Variants in BLOC1S6 observed in about 807,000 individuals in gnomAD.
BLOC1S6 encodes the protein biogenesis of lysosome-related organelles complex 1 subunit 6.
BLOC1S6 carries 24 observed loss-of-function variants against 24.7 expected under a neutral mutation model. The ratio of observed to expected loss-of-function variants is 0.97; its 90% CI spans 0.70 to 1.37. The LOEUF is 1.37. BLOC1S6 is among the 40% of genes most tolerant of loss of function. The probability of loss-of-function intolerance (pLI) is 0.00; values close to 1 mark genes in which losing one functional copy is unlikely to be tolerated. For missense variants in BLOC1S6, 175 were observed against 196.2 expected (o/e 0.89, Z 0.64); for synonymous variants, 76 against 72.6 (o/e 1.05, Z -0.23).
At chr15:45,600,933 C>T (rs767639402) in intron 2 of BLOC1S6, among the ~76,000 whole-genome samples, 6 of 152,104 alleles carry the variant, frequency 3.9e-5, no homozygotes, top group Non-Finnish European at 5.9e-5. Context: ...GTGCATGAAA[C>T]AAAGAGTTTT....
intron 2 of BLOC1S6, among the ~76,000 whole-genome samples, chr15:45,593,100 A>T (rs2140905572): frequency 6.6e-6 from 1 of 152,098 alleles, no homozygotes; most frequent in East Asian, 1.9e-4. Context: ...ATGCATATAA[A>T]AGTGGTACTG....
chr15:45,606,602 G>T lies in BLOC1S6; in HGVS notation c.*88G>T. On this transcript the variant is annotated 3_prime_UTR_variant, in exon 5 of 5. Transcript: ENST00000220531. ...GACTGAAGTTGAGGTAGTGCCTTATGCCATTATGTCATATGTTGAAATCCT... is the reference window on the plus strand; with the variant it reads ...GACTGAAGTTGAGGTAGTGCCTTATTCCATTATGTCATATGTTGAAATCCT... The T allele has an allele frequency of 6.4e-7, 1 of 1,566,366 alleles. No homozygotes were observed.
rs766753848 is a variant in BLOC1S6, at chr15:45,587,509, C to T, written c.66C>T (p.Ala22=). The stretch of plus-strand genomic sequence containing the variant: ...CACGGCCACCCTACTGCCTGGAGGC[C>T]GGGGAGCCGACGCCTGGTACGTACT... ...ALTRPPYCLE[A]GEPTPGLSDT... Residue 22 remains alanine (A), a synonymous_variant, in exon 1 of 5, where the codon GCC becomes GCT. Coordinates refer to ENST00000220531, the MANE Select transcript of BLOC1S6 (RefSeq NM_012388.4). 1.1e-5 allele frequency: 17 copies of T among 1,577,884 alleles called. No homozygotes were observed. The highest frequency in any genetic ancestry group is 1.5e-5 in the Non-Finnish European group (17 of 1,161,928).
intron 2 of BLOC1S6, among the ~76,000 whole-genome samples, chr15:45,596,765 G>A (rs1038880492): frequency 6.6e-6 from 1 of 151,640 alleles, no homozygotes; most frequent in Non-Finnish European, 1.5e-5. Flanking sequence ...TGCAACCTCT[G>A]CCTCTCAGGT....
chr15:45,605,581 T>C (rs1894423681), intron 4 of BLOC1S6, 67 bp downstream of exon 4: 2 of 1,278,668 alleles, frequency 1.6e-6, no homozygotes, highest in Non-Finnish European at 2.2e-6. Context: ...TTGTTTTTTT[T>C]TTTTTTCAGT....
At chr15:45,593,451 T>G (rs929391345) in intron 2 of BLOC1S6, among the ~76,000 whole-genome samples, 6 of 151,624 alleles carry the variant, frequency 4.0e-5, no homozygotes, top group Non-Finnish European at 7.4e-5. Context: ...ACTACTATAG[T>G]TAGGGAGTTG....
At chr15:45,595,129 T>TCATGC (rs1457070228) in intron 2 of BLOC1S6, among the ~76,000 whole-genome samples, 3 of 152,094 alleles carry the variant, frequency 2.0e-5, no homozygotes, top group Admixed American at 6.6e-5. Context: ...TGAACCATGG[T>TCATGC]CATGCCACTG....
intron 2 of BLOC1S6, among the ~76,000 whole-genome samples, chr15:45,594,714 G>A (rs956730109): frequency 2.0e-5 from 3 of 152,054 alleles, no homozygotes; most frequent in South Asian, 2.1e-4. Context: ...CTCCCAAGTA[G>A]ATGGGATTAC....
chr15:45,605,642 T>C (rs1355404932), intron 4 of BLOC1S6, 128 bp downstream of exon 4: 16 of 707,206 alleles, frequency 2.3e-5, no homozygotes, highest in Non-Finnish European at 3.8e-5. Context: ...CAGGCTGGAG[T>C]GCAATGGTGC....
In BLOC1S6 at chr15:45,587,476, G is replaced by A; in HGVS notation, c.33G>A (p.Gly11=). The change falls in exon 1 of 5, where the codon GGG becomes GGA. Residue 11 remains glycine (G), a synonymous_variant. Transcript: ENST00000220531. ...TCCCTGGGCCGTCGTCTCCGGACGG[G>A]GCCCTGACACGGCCACCCTACTGCC... MSVPGPSSPD[G]ALTRPPYCLE... 6.3e-7 allele frequency: 1 copy of A among 1,584,802 alleles called. No homozygotes were observed. The highest frequency in any genetic ancestry group is 8.6e-7 in the Non-Finnish European group (1 of 1,165,112).
At chr15:45,589,484 G>A (rs1893805947) in intron 1 of BLOC1S6, among the ~76,000 whole-genome samples, 1 of 152,226 alleles carries the variant, frequency 6.6e-6, no homozygotes, top group African/African-American at 2.4e-5. Flanking sequence ...CCTTAGCTCA[G>A]TGTCCACACT....
chr15:45,601,601 T>C (rs1296352000), intron 2 of BLOC1S6, among the ~76,000 whole-genome samples: 2 of 152,084 alleles, frequency 1.3e-5, no homozygotes, highest in East Asian at 1.9e-4. Context: ...TCAGTGGTGA[T>C]TACTGCTCTT....
At position 45,606,376 on chromosome 15, in the gene BLOC1S6, A is replaced by AT; in HGVS notation, c.400-19_400-18insT. On this transcript the variant is annotated intron_variant, in intron 4 of 4. Coordinates refer to ENST00000220531, the MANE Select transcript of BLOC1S6 (RefSeq NM_012388.4). ...CCCCTGATTGCTCTCTTGGTTTTTA[A>AT]ATTTTTTTTTTAACACAGAAAAGAG... 2 of 1,612,894 alleles carry AT rather than the reference A, an allele frequency of 1.2e-6. No individual in the cohort carries two copies. The highest frequency in any genetic ancestry group is 8.5e-7 in the Non-Finnish European group (1 of 1,179,896).
rs375226016 is a variant in BLOC1S6 at position 45,587,408 on chromosome 15, C to T, written c.-36C>T. On this transcript the variant is annotated 5_prime_UTR_variant, in exon 1 of 5. The change creates a new upstream start codon in the 5' untranslated region. Coordinates refer to ENST00000220531, the MANE Select transcript of BLOC1S6 (RefSeq NM_012388.4). ...GCCGCCTTGCTTCTGACGAGCCACA[C>T]GTTTGCTTCTTCCCTGTGTTCCCAG... 3.2e-6 allele frequency: 5 copies of T among 1,541,082 alleles called. No individual in the cohort carries two copies. In the African/African-American group the frequency reaches 4.1e-5, roughly 13 times the overall value.
intron 2 of BLOC1S6, among the ~76,000 whole-genome samples, chr15:45,593,036 G>A (rs1311209989): frequency 6.6e-6 from 1 of 152,068 alleles, no homozygotes; most frequent in African/African-American, 2.4e-5. Context: ...AATAATAACT[G>A]TGCTTATTTT....
chr15:45,593,386 GAAAAA>G (rs59495378), intron 2 of BLOC1S6, among the ~76,000 whole-genome samples: 9 of 63,336 alleles, frequency 1.4e-4, no homozygotes, highest in East Asian at 6.8e-4. Flanking sequence ...CTCTGTCTCC[GAAAAA>G]AAAAAAAAAA....
intron 1 of BLOC1S6, among the ~76,000 whole-genome samples, chr15:45,591,305 A>G (rs1005826743): frequency 6.6e-6 from 1 of 152,234 alleles, no homozygotes; most frequent in Non-Finnish European, 1.5e-5. Context: ...AATTGAAAAC[A>G]TACTTTATTT....
rs570422507 is a variant in BLOC1S6 at position 45,607,824 on chromosome 15, C to T, written c.*1310C>T. 1 of 152,132 alleles carries T rather than the reference C, an allele frequency of 6.6e-6. No homozygotes were observed. Among genetic ancestry groups the T allele is most frequent in the East Asian group, 1.9e-4 (1 of 5,178 alleles). 9.4% of individuals were successfully genotyped at this position (152,132 alleles called of 1,614,324 possible). On this transcript the variant is annotated 3_prime_UTR_variant, in exon 5 of 5. Transcript: ENST00000220531. ...AAGTGGAATGATGTACACCAAATACCCACTTTATAGATAATTACAGGGATG... is the reference window on the plus strand; with the variant it reads ...AAGTGGAATGATGTACACCAAATACTCACTTTATAGATAATTACAGGGATG...
Position 45,607,454 on chromosome 15 carries a change from A to G in BLOC1S6, c.*940A>G, listed in dbSNP as rs1269101103. On this transcript the variant is annotated 3_prime_UTR_variant, in exon 5 of 5. Coordinates refer to ENST00000220531, the MANE Select transcript of BLOC1S6 (RefSeq NM_012388.4). ...TTATAGTAACAGTTATCATACACTG[A>G]GATATAGTTTCTGTGCTTGTAAAAA... 1.3e-5 allele frequency: 2 copies of G among 152,080 alleles called. No homozygotes were observed. Among genetic ancestry groups the G allele is most frequent in the Non-Finnish European group, 2.9e-5 (2 of 68,022 alleles). The allele number at this position is 152,080 out of a possible 1,614,324, so 9.4% of individuals were successfully genotyped here. A position where few individuals can be genotyped will look rare whatever the true frequency, so the allele number is the denominator to read the frequency against.
Sources: allele counts gnomAD v4.1 joint callset (sites outside exome capture counted in the v4.1 genomes callset), GRCh38; gene constraint gnomAD v4.1.1; transcripts MANE v1.5; gene names NCBI Gene and HGNC (gene_info 2026-07-23, HGNC 2026-07-21).